Variants in SLCO1B3 observed in about 807,000 individuals in gnomAD.
The protein encoded by SLCO1B3 is liver-specific organic anion transporter 2.
SLCO1B3 carries 72 observed loss-of-function variants against 71.8 expected under a neutral mutation model. That is an observed-to-expected ratio of 1.00 (90% CI 0.83 to 1.22). The LOEUF (loss-of-function observed/expected upper bound fraction) is 1.22, where lower values mean the gene tolerates loss of function less well. Among genes scored for constraint, SLCO1B3 ranks in the 50% most tolerant of loss-of-function variants. SLCO1B3 has a pLI of 0.00. For missense variants in SLCO1B3, 911 were observed against 819.7 expected (o/e 1.11, Z -1.36); for synonymous variants, 298 against 278.4 (o/e 1.07, Z -0.70).
At chr12:20,849,813 C>G (rs565282985) in intron 3 of SLCO1B3, among the ~76,000 whole-genome samples, 2 of 151,302 alleles carry the variant, frequency 1.3e-5, no homozygotes, top group African/African-American at 4.8e-5. Flanking sequence ...ATCCATTTAT[C>G]ATAGCATCTC....
At chr12:20,856,652 TG>T (rs1331238750) in intron 4 of SLCO1B3, among the ~76,000 whole-genome samples, 1 of 152,162 alleles carries the variant, frequency 6.6e-6, no homozygotes, top group East Asian at 1.9e-4. Flanking sequence ...CTCCACCTCC[TG>T]GGTTTAAGCA....
At chr12:20,873,121 C>T (rs143287038) in intron 8 of SLCO1B3, among the ~76,000 whole-genome samples, 6 of 152,294 alleles carry the variant, frequency 3.9e-5, no homozygotes, top group African/African-American at 1.2e-4. Flanking sequence ...CTTACCTCAT[C>T]ACTCTGCTTA....
chr12:20,899,916 A>G (rs1019573238), intron 14 of SLCO1B3, among the ~76,000 whole-genome samples: 1 of 152,174 alleles, frequency 6.6e-6, no homozygotes, highest in Non-Finnish European at 1.5e-5. Context: ...CAAACTTCCA[A>G]TTCATGAACA....
At chr12:20,876,449 T>G (rs950861634) in intron 9 of SLCO1B3, among the ~76,000 whole-genome samples, 1 of 152,186 alleles carries the variant, frequency 6.6e-6, no homozygotes, top group Non-Finnish European at 1.5e-5. Context: ...CTTTCCAAAG[T>G]AACCCATGTT....
chr12:20,842,483 A>G (rs973185237), intron 3 of SLCO1B3, among the ~76,000 whole-genome samples: 1 of 142,716 alleles, frequency 7.0e-6, no homozygotes, highest in African/African-American at 2.5e-5. Flanking sequence ...TATTTGGGCT[A>G]TTATTTATAC....
At chr12:20,810,920 T>A (rs1864099642) in intron 1 of SLCO1B3, among the ~76,000 whole-genome samples, 156 bp downstream of exon 1, 1 of 152,192 alleles carries the variant, frequency 6.6e-6, no homozygotes, top group Non-Finnish European at 1.5e-5. Flanking sequence ...TAAAGCCTTG[T>A]AAATATCCCT....
intron 6 of SLCO1B3, 56 bp downstream of exon 6, chr12:20,861,194 C>A: frequency 1.4e-6 from 2 of 1,449,050 alleles, no homozygotes; most frequent in South Asian, 1.4e-5. Flanking sequence ...TTAATCACGT[C>A]TATAAAGTTT....
chr12:20,822,616 C>G lies in SLCO1B3; in HGVS notation c.84+6794C>G, dbSNP rs114581840. On this transcript the variant is annotated intron_variant, in intron 3 of 15. Transcript: ENST00000381545. The stretch of plus-strand genomic sequence containing the variant: ...GCTTGGCTTGGGCTCAGAGACCTGA[C>G]AGTGGCAATGTATGGCCACGTTACT... Among the ~76,000 whole-genome samples the G allele has an allele frequency of 6.0e-3, 914 of 152,236 alleles. 10 individuals are homozygous for G. The highest frequency in any genetic ancestry group is 0.021 in the African/African-American group (869 of 41,540).
At chr12:20,835,313 C>T (rs1591752118) in intron 3 of SLCO1B3, among the ~76,000 whole-genome samples, 1 of 152,274 alleles carries the variant, frequency 6.6e-6, no homozygotes, top group East Asian at 1.9e-4. Context: ...ATTGTCTTGG[C>T]AATTAACATT....
At position 20,855,146 on chromosome 12, in the gene SLCO1B3, T is replaced by TAATTG. The variant is rs558592800; in HGVS notation, c.205_209dup (p.Asp70GlufsTer13). On this transcript the variant is annotated frameshift_variant, in exon 4 of 16. Transcript: ENST00000381545. LOFTEE classifies it high-confidence loss of function. Reference sequence around the variant, plus strand: ...GACATATCCTCTTCTCTTGCTGGTTTAATTGATGGAAGCTTTGAAATTGGT... The same window carrying TAATTG: ...GACATATCCTCTTCTCTTGCTGGTTTAATTGAATTGATGGAAGCTTTGAAATTGGT... 5,651 of 1,609,310 alleles carry TAATTG rather than the reference T, an allele frequency of 3.5e-3. 34 individuals are homozygous for TAATTG. The highest frequency in any genetic ancestry group is 3.3e-3 in the Non-Finnish European group (3,925 of 1,178,274).
At chr12:20,880,272 T>G (rs1312243980) in intron 11 of SLCO1B3, among the ~76,000 whole-genome samples, 3 of 121,804 alleles carry the variant, frequency 2.5e-5, no homozygotes, top group African/African-American at 7.7e-5. Flanking sequence ...TATGCAGAGA[T>G]TTTTTATCCT....
In SLCO1B3 at chr12:20,879,526, A is replaced by G. The variant is rs755125439; in HGVS notation, c.1226A>G (p.Lys409Arg). ...AAATTGTCTTTAGTTGGAATTGCCAAATTTTCATTTCTTACTTCGATGATA... is the reference window on the plus strand; with the variant it reads ...AAATTGTCTTTAGTTGGAATTGCCAGATTTTCATTTCTTACTTCGATGATA... The part of the protein sequence containing the change: ...KFKLSLVGIA[K>R]FSFLTSMISF... The change falls in exon 11 of 16, where the codon AAA becomes AGA. Residue 409 changes from lysine (K) to arginine (R), a missense_variant. Transcript: ENST00000381545. The G allele has an allele frequency of 1.7e-5, 28 of 1,612,092 alleles. No individual in the cohort carries two copies. Among genetic ancestry groups the G allele is most frequent in the Middle Eastern group, 1.7e-4 (1 of 6,032 alleles).
At chr12:20,889,923 T>A (rs911391630) in intron 13 of SLCO1B3, among the ~76,000 whole-genome samples, 3 of 151,912 alleles carry the variant, frequency 2.0e-5, no homozygotes, top group Admixed American at 1.3e-4. Context: ...TAATTTTTTT[T>A]TTTTTGTTTT....
At chr12:20,832,701 C>T (rs1864570005) in intron 3 of SLCO1B3, among the ~76,000 whole-genome samples, 1 of 152,108 alleles carries the variant, frequency 6.6e-6, no homozygotes, top group South Asian at 2.1e-4. Context: ...GGGAATTTTG[C>T]ATTTCCTTGT....
intron 13 of SLCO1B3, among the ~76,000 whole-genome samples, chr12:20,892,362 A>G (rs1205556612): frequency 6.6e-6 from 1 of 152,176 alleles, no homozygotes; most frequent in Non-Finnish European, 1.5e-5. Context: ...GCTACAAAAG[A>G]AACAGACAAA....
intron 2 of SLCO1B3, among the ~76,000 whole-genome samples, chr12:20,814,979 T>C (rs1452060855): frequency 3.2e-5 from 1 of 31,718 alleles, no homozygotes; most frequent in Non-Finnish European, 1.4e-4. Flanking sequence ...TTCTTTTCTT[T>C]TCTTTTTTTT....
intron 3 of SLCO1B3, among the ~76,000 whole-genome samples, chr12:20,832,416 A>G (rs1027150425): frequency 1.3e-5 from 2 of 152,102 alleles, no homozygotes; most frequent in African/African-American, 4.8e-5. Flanking sequence ...CTTCTTCATT[A>G]CACTTGTCTT....
chr12:20,869,057 T>C (rs1323642742), intron 8 of SLCO1B3, among the ~76,000 whole-genome samples: 2 of 152,056 alleles, frequency 1.3e-5, no homozygotes, highest in Admixed American at 6.6e-5. Flanking sequence ...AGGGAGATGG[T>C]TAGGCCTCTG....
chr12:20,854,685 C>G (rs1417544154), intron 3 of SLCO1B3, among the ~76,000 whole-genome samples: 3 of 152,214 alleles, frequency 2.0e-5, no homozygotes, highest in Non-Finnish European at 4.4e-5. Context: ...TTAGCCAGGG[C>G]TATTCACATG....
Sources: gnomAD v4.1 joint callset for allele counts (sites outside exome capture counted in the v4.1 genomes callset) on GRCh38, gnomAD v4.1.1 for gene constraint, MANE v1.5 for transcripts, NCBI Gene and HGNC (gene_info 2026-07-23, HGNC 2026-07-21) for gene names.